The following PTPN4 variants were observed in gnomAD, a reference collection of about 807,000 sequenced individuals.
PTPN4 encodes the protein protein tyrosine phosphatase non-receptor type 4, also known as tyrosine-protein phosphatase non-receptor type 4.
Under a neutral mutation model 135.5 loss-of-function variants are expected in PTPN4, and 49 were observed. That is an observed-to-expected ratio of 0.36 (90% CI 0.29 to 0.46). The LOEUF (loss-of-function observed/expected upper bound fraction) is 0.46. Ranked by LOEUF, PTPN4 falls within the 20% of genes least tolerant of loss-of-function variation. The pLI, the probability that PTPN4 is intolerant of heterozygous loss-of-function variation, is 1.00. For synonymous variants in PTPN4, 333 were observed against 369.9 expected (o/e 0.90, Z 1.14); for missense variants, 860 against 1,101.0 (o/e 0.78, Z 3.10).
chr2:119,970,081 CAG>C (rs1679507545), intron 26 of PTPN4, among the ~76,000 whole-genome samples: 1 of 151,624 alleles, frequency 6.6e-6, no homozygotes, highest in Non-Finnish European at 1.5e-5. Context: ...TTTTTTGAGA[CAG>C]AGTTTCGCTC....
rs1301772286 is a variant in PTPN4 at position 119,982,552 on chromosome 2, CTAGAA to C, written c.*5488_*5492del. 3 of 152,076 alleles carry C rather than the reference CTAGAA, an allele frequency of 2.0e-5. No homozygotes were observed. Among genetic ancestry groups the C allele is most frequent in the African/African-American group, 7.2e-5 (3 of 41,400 alleles). The allele number at this position is 152,076 out of a possible 1,614,324, so 9.4% of individuals were successfully genotyped here. A position where few individuals can be genotyped will look rare whatever the true frequency, so the allele number is the denominator to read the frequency against. ...CATTCTTTTTCATTTTGCTTTGCCT[CTAGAA>C]TAGAAACTTTTCAGAAAATTTGCAC... On this transcript the variant is annotated 3_prime_UTR_variant, in exon 27 of 27. Transcript: ENST00000263708.
intron 1 of PTPN4, among the ~76,000 whole-genome samples, chr2:119,765,444 CAGA>C (rs1189343812): frequency 6.6e-6 from 1 of 152,154 alleles, no homozygotes; most frequent in East Asian, 1.9e-4. Context: ...CTCTCTCTTA[CAGA>C]AGTACCTACA....
At chr2:119,872,960 A>G (rs1478909878) in intron 3 of PTPN4, among the ~76,000 whole-genome samples, 2 of 152,164 alleles carry the variant, frequency 1.3e-5, no homozygotes, top group Non-Finnish European at 2.9e-5. Flanking sequence ...GCTATTTACA[A>G]TAGGAACCCT....
chr2:119,941,491 G>A (rs1679061626), intron 15 of PTPN4, among the ~76,000 whole-genome samples: 1 of 151,538 alleles, frequency 6.6e-6, no homozygotes, highest in African/African-American at 2.4e-5. Context: ...TAGAAGTATA[G>A]AAAAGGGAAA....
intron 1 of PTPN4, among the ~76,000 whole-genome samples, chr2:119,795,912 G>A (rs1432790521): frequency 2.0e-5 from 3 of 152,218 alleles, no homozygotes; most frequent in African/African-American, 7.2e-5. Context: ...AGGCATGGGG[G>A]CAAGGTGCAG....
At chr2:119,831,456 A>G (rs1677218921) in intron 2 of PTPN4, among the ~76,000 whole-genome samples, 1 of 152,214 alleles carries the variant, frequency 6.6e-6, no homozygotes, top group Non-Finnish European at 1.5e-5. Flanking sequence ...GTCTACCCTT[A>G]TAGAAGCACC....
At chr2:119,806,587 G>C (rs1350015563) in intron 1 of PTPN4, among the ~76,000 whole-genome samples, 1 of 152,150 alleles carries the variant, frequency 6.6e-6, no homozygotes, top group Non-Finnish European at 1.5e-5. Context: ...CAAGTCCTTA[G>C]AGACCTGCAA....
chr2:119,919,871 G>A (rs918649314), intron 11 of PTPN4, among the ~76,000 whole-genome samples, 198 bp from the exon 12 acceptor site: 1 of 151,104 alleles, frequency 6.6e-6, no homozygotes, highest in Admixed American at 6.6e-5. Flanking sequence ...GATTTTTCAG[G>A]CTTTTGCATA....
intron 20 of PTPN4, among the ~76,000 whole-genome samples, chr2:119,955,813 T>C (rs1259253440): frequency 6.6e-6 from 1 of 152,068 alleles, no homozygotes; most frequent in African/African-American, 2.4e-5. Context: ...GGCAGGTGCC[T>C]GTAGTCCCAG....
At chr2:119,858,154 A>C (rs920075738) in intron 2 of PTPN4, among the ~76,000 whole-genome samples, 25 of 152,230 alleles carry the variant, frequency 1.6e-4, no homozygotes, top group Admixed American at 3.9e-4. Context: ...CTGTGTATAC[A>C]GGCTGCAGAA....
intron 1 of PTPN4, among the ~76,000 whole-genome samples, chr2:119,791,472 G>T (rs570494396): frequency 3.3e-5 from 5 of 152,276 alleles, no homozygotes; most frequent in Admixed American, 2.6e-4. Flanking sequence ...TTATAGGACA[G>T]ATTGCTAGTG....
At chr2:119,824,948 A>G (rs1292346145) in intron 2 of PTPN4, among the ~76,000 whole-genome samples, 2 of 152,220 alleles carry the variant, frequency 1.3e-5, no homozygotes, top group Non-Finnish European at 1.5e-5. Flanking sequence ...TTGGCCTCCC[A>G]AAGTGCTGGG....
At chr2:119,919,915 A>G (rs1678712860) in intron 11 of PTPN4, among the ~76,000 whole-genome samples, 154 bp from the exon 12 acceptor site, 1 of 152,178 alleles carries the variant, frequency 6.6e-6, no homozygotes, top group African/African-American at 2.4e-5. Context: ...TAAGCAAAAA[A>G]GATCCTAGAT....
chr2:119,918,027 A>G (rs1288133873), intron 11 of PTPN4, among the ~76,000 whole-genome samples: 3 of 152,204 alleles, frequency 2.0e-5, no homozygotes, highest in African/African-American at 2.4e-5. Flanking sequence ...TGACAGTGAG[A>G]AGCTTCAGTG....
chr2:119,778,238 G>A (rs1048480822), intron 1 of PTPN4, among the ~76,000 whole-genome samples: 6 of 152,268 alleles, frequency 3.9e-5, no homozygotes, highest in Admixed American at 3.3e-4. Context: ...TTTAGAAAAT[G>A]GAGAGGGAGA....
At chr2:119,828,973 C>T (rs1677183249) in intron 2 of PTPN4, among the ~76,000 whole-genome samples, 1 of 152,210 alleles carries the variant, frequency 6.6e-6, no homozygotes, top group Non-Finnish European at 1.5e-5. Context: ...CATGACTGTA[C>T]TGAAAGCTTT....
intron 4 of PTPN4, 44 bp downstream of exon 4, chr2:119,877,409 A>G: frequency 6.2e-7 from 1 of 1,608,174 alleles, no homozygotes; most frequent in African/African-American, 1.3e-5. Flanking sequence ...TTTACTTTAT[A>G]AAGATAAAGG....
intron 2 of PTPN4, among the ~76,000 whole-genome samples, chr2:119,822,318 A>T (rs1677079483): frequency 6.7e-6 from 1 of 149,468 alleles, no homozygotes; most frequent in African/African-American, 2.5e-5. Context: ...TGTCTCTTCC[A>T]CATGCTTTCT....
chr2:119,764,733 G>A (rs538535962), intron 1 of PTPN4, among the ~76,000 whole-genome samples: 1 of 149,156 alleles, frequency 6.7e-6, no homozygotes, highest in Non-Finnish European at 1.5e-5. Context: ...CTTTTGTATT[G>A]TCTTATGAAT....
Sources: gnomAD v4.1 joint callset for allele counts (sites outside exome capture counted in the v4.1 genomes callset) on GRCh38, gnomAD v4.1.1 for gene constraint, MANE v1.5 for transcripts, NCBI Gene and HGNC (gene_info 2026-07-23, HGNC 2026-07-21) for gene names.